The following EIF3J variants were observed in gnomAD, a reference collection of about 807,000 sequenced individuals.
The protein encoded by EIF3J is eukaryotic translation initiation factor 3, subunit 1 (alpha, 35kD).
EIF3J carries 15 observed loss-of-function variants against 39.0 expected under a neutral mutation model. The ratio of observed to expected loss-of-function variants is 0.38; its 90% CI spans 0.26 to 0.59. EIF3J has a LOEUF of 0.59. EIF3J is among the 20% of genes least tolerant of loss of function. The probability of loss-of-function intolerance (pLI) is 0.60; values close to 1 mark genes in which losing one functional copy is unlikely to be tolerated. For synonymous variants in EIF3J, 98 were observed against 112.9 expected (o/e 0.87, Z 0.84); for missense variants, 226 against 308.6 (o/e 0.73, Z 2.00).
chr15:44,547,370 C>T lies in EIF3J; in HGVS notation c.148-3506C>T, dbSNP rs988864952. On this transcript the variant is annotated intron_variant, in intron 2 of 7. Coordinates refer to ENST00000261868, the MANE Select transcript of EIF3J (RefSeq NM_003758.4). ...GTTGGTCAGGCTGGTCTTGCATTCC[C>T]GACCTCAGGTGATCTGCCTGCCTTG... Among the ~76,000 whole-genome samples the T allele has an allele frequency of 4.9e-5, 7 of 144,030 alleles. No individual in the cohort carries two copies. The East Asian group carries it at 6.3e-4, about 13-fold the overall frequency. 94.5% of individuals were successfully genotyped at this position (144,030 alleles called of 152,430 possible). A position where few individuals can be genotyped will look rare whatever the true frequency, so the allele number is the denominator to read the frequency against.
At position 44,562,327 on chromosome 15, in the gene EIF3J, T is replaced by C. The variant is rs527880357; in HGVS notation, c.*1178T>C. ...TATTTAGATACCAAGGCCTAATTAA[T>C]TAAGTACCTATAAGAACTATTTATT... On this transcript the variant is annotated 3_prime_UTR_variant, in exon 8 of 8. Transcript: ENST00000261868. The C allele has an allele frequency of 2.0e-5, 3 of 152,754 alleles. No individual in the cohort carries two copies. Among genetic ancestry groups the C allele is most frequent in the East Asian group, 3.9e-4 (2 of 5,190 alleles). 9.5% of individuals were successfully genotyped at this position (152,754 alleles called of 1,614,324 possible). A position where few individuals can be genotyped will look rare whatever the true frequency, so the allele number is the denominator to read the frequency against.
At chr15:44,554,702 A>G (rs1275523121) in intron 5 of EIF3J, 35 bp downstream of exon 5, 2 of 1,434,194 alleles carry the variant, frequency 1.4e-6, no homozygotes, top group Non-Finnish European at 1.9e-6. Context: ...ACAGTATTAA[A>G]CTGTTACAGG....
intron 2 of EIF3J, among the ~76,000 whole-genome samples, chr15:44,546,015 A>G (rs987697739): frequency 2.0e-5 from 3 of 152,244 alleles, no homozygotes; most frequent in African/African-American, 7.2e-5. Flanking sequence ...ATCTTCTGGA[A>G]GTAAGCAAAT....
intron 2 of EIF3J, among the ~76,000 whole-genome samples, chr15:44,542,996 T>C (rs905556413): frequency 2.6e-5 from 4 of 152,214 alleles, no homozygotes; most frequent in African/African-American, 9.6e-5. Flanking sequence ...AGTGTTAATT[T>C]TAGCTGTTTC....
At chr15:44,537,537 G>T in intron 2 of EIF3J, 110 bp downstream of exon 2, 2 of 1,141,290 alleles carry the variant, frequency 1.8e-6, no homozygotes, top group Non-Finnish European at 2.3e-6. Flanking sequence ...GTCCAGGCGC[G>T]AGCATAGGGC....
At chr15:44,544,659 G>C (rs1441705280) in intron 2 of EIF3J, among the ~76,000 whole-genome samples, 1 of 144,042 alleles carries the variant, frequency 6.9e-6, no homozygotes, top group Non-Finnish European at 1.5e-5. Flanking sequence ...AGCTGAGATC[G>C]TGCCATTGCA....
At chr15:44,549,002 AAC>A (rs569150569) in intron 2 of EIF3J, among the ~76,000 whole-genome samples, 39 of 152,324 alleles carry the variant, frequency 2.6e-4, no homozygotes, top group Non-Finnish European at 4.3e-4. Context: ...TGCATATCAT[AAC>A]ACAAGAAAAA....
chr15:44,554,371 T>C (rs2082126334), intron 4 of EIF3J, among the ~76,000 whole-genome samples, 182 bp from the exon 5 acceptor site: 1 of 134,300 alleles, frequency 7.4e-6, no homozygotes, highest in Non-Finnish European at 1.5e-5. Context: ...AGTGAGGCTC[T>C]GTCTAAAAAA....
chr15:44,559,831 A>AGTAGGGAGCATT (rs144574748), intron 6 of EIF3J, among the ~76,000 whole-genome samples: 2,979 of 152,254 alleles, frequency 0.02, 47 homozygotes, highest in Middle Eastern at 0.068. Context: ...GAGGAAGGAT[A>AGTAGGGAGCATT]GTAGGGAGCA....
At chr15:44,560,145 T>C in intron 6 of EIF3J, 104 bp from the exon 7 acceptor site, 1 of 864,428 alleles carries the variant, frequency 1.2e-6, no homozygotes, top group East Asian at 2.7e-5. Flanking sequence ...TTTTGGAATG[T>C]ACATTTTGGG....
At position 44,539,651 on chromosome 15, in the gene EIF3J, T is replaced by C. The variant is rs547606491; in HGVS notation, c.147+2224T>C. ...TCCTGACCTTGTGATCTGCCCGCCT[T>C]GGCCTCCCAAAGTGCTGGGATTACA... On this transcript the variant is annotated intron_variant, in intron 2 of 7. Coordinates refer to ENST00000261868, the MANE Select transcript of EIF3J (RefSeq NM_003758.4). 1.4e-3 allele frequency among the ~76,000 whole-genome samples: 206 copies of C among 151,990 alleles called. 1 individual carries two copies. The South Asian group carries it at 0.02, about 15-fold the overall frequency.
intron 2 of EIF3J, among the ~76,000 whole-genome samples, chr15:44,544,821 T>C (rs2082040838): frequency 6.6e-6 from 1 of 151,158 alleles, no homozygotes; most frequent in Non-Finnish European, 1.5e-5. Context: ...CTGGCCAACA[T>C]GGTGAAACCC....
chr15:44,549,112 G>C (rs1172998884), intron 2 of EIF3J, among the ~76,000 whole-genome samples: 1 of 152,110 alleles, frequency 6.6e-6, no homozygotes, highest in African/African-American at 2.4e-5. Flanking sequence ...AAGACTTTCT[G>C]GCTGGGCGAA....
chr15:44,537,990 C>T (rs80157789), intron 2 of EIF3J, among the ~76,000 whole-genome samples: 16 of 152,270 alleles, frequency 1.1e-4, no homozygotes, highest in African/African-American at 2.9e-4. Flanking sequence ...CCTTCCCCCA[C>T]CCTGTGGTAA....
chr15:44,562,241 C>A lies in EIF3J; in HGVS notation c.*1092C>A, dbSNP rs2082206654. 1 of 152,516 alleles carries A rather than the reference C, an allele frequency of 6.6e-6. No homozygotes were observed. The highest frequency in any genetic ancestry group is 1.5e-5 in the Non-Finnish European group (1 of 68,012). 9.4% of individuals were successfully genotyped at this position (152,516 alleles called of 1,614,324 possible). On this transcript the variant is annotated 3_prime_UTR_variant, in exon 8 of 8. Coordinates refer to ENST00000261868, the MANE Select transcript of EIF3J (RefSeq NM_003758.4). The stretch of plus-strand genomic sequence containing the variant: ...GATTTGCCAGGTCCTTATGTTGTCA[C>A]CATAGAGCAACAAAGGTATAGGGCT...
At chr15:44,553,512 A>G (rs2082118613) in intron 4 of EIF3J, among the ~76,000 whole-genome samples, 1 of 152,032 alleles carries the variant, frequency 6.6e-6, no homozygotes, top group African/African-American at 2.4e-5. Flanking sequence ...AAGAAAAAAT[A>G]ATTATATTCC....
intron 2 of EIF3J, 150 bp downstream of exon 2, chr15:44,537,577 C>G (rs929614275): frequency 2.4e-6 from 2 of 836,268 alleles, no homozygotes; most frequent in African/African-American, 3.6e-5. Flanking sequence ...CTCCGCTTGC[C>G]GGCCATGTGT....
At position 44,537,176 on chromosome 15, in the gene EIF3J, C is replaced by G. The variant is rs774301791; in HGVS notation, c.-19C>G. 20 of 1,612,728 alleles carry G rather than the reference C, an allele frequency of 1.2e-5. No individual in the cohort carries two copies. Among genetic ancestry groups the G allele is most frequent in the Non-Finnish European group, 1.6e-5 (19 of 1,179,460 alleles). The stretch of plus-strand genomic sequence containing the variant: ...CCTCGCTAGCTCTCCCTCTCACACA[C>G]GCTCACACCCGGCTCGAGATGGCGG... On this transcript the variant is annotated 5_prime_UTR_variant, in exon 1 of 8. Coordinates refer to ENST00000261868, the MANE Select transcript of EIF3J (RefSeq NM_003758.4).
chr15:44,537,293 A>G, intron 1 of EIF3J, 31 bp from the exon 2 acceptor site: 1 of 1,563,068 alleles, frequency 6.4e-7, no homozygotes, highest in Non-Finnish European at 8.7e-7. Flanking sequence ...ACGCAGTGGC[A>G]GGCACTAACA....
Sources: allele counts gnomAD v4.1 joint callset (sites outside exome capture counted in the v4.1 genomes callset), GRCh38; gene constraint gnomAD v4.1.1; transcripts MANE v1.5; gene names NCBI Gene and HGNC (gene_info 2026-07-23, HGNC 2026-07-21).